The following HTR1F variants were observed in gnomAD, a reference collection of about 807,000 sequenced individuals.
HTR1F encodes 5-hydroxytryptamine receptor 1F.
In HTR1F, 17 loss-of-function variants were observed where a neutral mutation model predicts 24.0. The ratio of observed to expected loss-of-function variants is 0.71; its 90% confidence interval spans 0.48 to 1.06. The LOEUF (loss-of-function observed/expected upper bound fraction) is 1.06, where lower values mean the gene tolerates loss of function less well. Among genes scored for constraint, HTR1F ranks in the 50% least tolerant of loss-of-function variants. The pLI is 0.00. For missense variants in HTR1F, 391 were observed against 427.8 expected (o/e 0.91, Z 0.76); for synonymous variants, 186 against 156.8 (o/e 1.19, Z -1.39).
chr3:87,946,238 C>T (rs551823099), intron 2 of HTR1F, among the ~76,000 whole-genome samples: 10 of 152,226 alleles, frequency 6.6e-5, no homozygotes, highest in African/African-American at 2.2e-4. Context: ...TATGCGACGG[C>T]GGCAAACGGC....
intron 2 of HTR1F, among the ~76,000 whole-genome samples, chr3:87,843,953 G>T (rs1257244070): frequency 6.6e-6 from 1 of 151,296 alleles, no homozygotes; most frequent in Non-Finnish European, 1.5e-5. Context: ...TTGGTTCCAA[G>T]TCTTTGCTAT....
chr3:87,922,809 A>G (rs1027948661), intron 2 of HTR1F, among the ~76,000 whole-genome samples: 3 of 149,838 alleles, frequency 2.0e-5, no homozygotes, highest in Non-Finnish European at 4.4e-5. Context: ...TGGAGTATTT[A>G]TCTGTCCATT....
At chr3:87,933,460 G>T (rs1343529106) in intron 2 of HTR1F, among the ~76,000 whole-genome samples, 1 of 152,192 alleles carries the variant, frequency 6.6e-6, no homozygotes, top group African/African-American at 2.4e-5. Context: ...AAACCCCATT[G>T]TCTAAGCTCA....
At chr3:87,979,148 A>AAGGGAGGGAGG (rs1705487427) in intron 2 of HTR1F, among the ~76,000 whole-genome samples, 1 of 87,084 alleles carries the variant, frequency 1.1e-5, no homozygotes, top group Non-Finnish European at 2.4e-5. Context: ...AGGGAGGGAG[A>AAGGGAGGGAGG]TGGGAAAGAC....
chr3:87,928,425 C>T (rs1638851016), intron 2 of HTR1F, among the ~76,000 whole-genome samples: 1 of 152,096 alleles, frequency 6.6e-6, no homozygotes. Flanking sequence ...TCTAGCATTT[C>T]TAAGTAATAG....
intron 2 of HTR1F, among the ~76,000 whole-genome samples, chr3:87,926,071 T>C (rs1348168844): frequency 6.6e-6 from 1 of 152,222 alleles, no homozygotes; most frequent in Non-Finnish European, 1.5e-5. Context: ...ATTTATTTCA[T>C]ATTTTAAGAC....
intron 2 of HTR1F, among the ~76,000 whole-genome samples, chr3:87,953,504 G>A (rs963665034): frequency 6.7e-6 from 1 of 148,980 alleles, no homozygotes; most frequent in African/African-American, 2.5e-5. Flanking sequence ...TCTAACCCCA[G>A]TTAGAATGGC....
chr3:87,809,410 T>C (rs1264440014), intron 1 of HTR1F, among the ~76,000 whole-genome samples: 1 of 151,862 alleles, frequency 6.6e-6, no homozygotes, highest in African/African-American at 2.4e-5. Flanking sequence ...ATATTTGGAG[T>C]TTTTGTGTTT....
chr3:87,833,685 T>C (rs1332692951), intron 2 of HTR1F, among the ~76,000 whole-genome samples: 1 of 152,074 alleles, frequency 6.6e-6, no homozygotes, highest in Non-Finnish European at 1.5e-5. Context: ...AGGGTTTCAC[T>C]ATATTGCCTA....
At chr3:87,978,981 T>C (rs1463566807) in intron 2 of HTR1F, among the ~76,000 whole-genome samples, 1 of 100,496 alleles carries the variant, frequency 1.0e-5, no homozygotes, top group East Asian at 3.3e-4. Flanking sequence ...TACACCCTAA[T>C]GGGCAATCAG....
chr3:87,964,888 T>C (rs1007044602), intron 2 of HTR1F, among the ~76,000 whole-genome samples: 2 of 152,152 alleles, frequency 1.3e-5, no homozygotes, highest in Non-Finnish European at 2.9e-5. Flanking sequence ...AATTGAATCA[T>C]GAGTGTGGAT....
At chr3:87,829,520 C>T (rs1014058166) in intron 2 of HTR1F, among the ~76,000 whole-genome samples, 3 of 152,182 alleles carry the variant, frequency 2.0e-5, no homozygotes, top group East Asian at 1.9e-4. Context: ...CTAACCTTCA[C>T]GGTCATTCCT....
At chr3:87,985,364 T>A (rs1705641126) in intron 2 of HTR1F, among the ~76,000 whole-genome samples, 1 of 151,630 alleles carries the variant, frequency 6.6e-6, no homozygotes, top group East Asian at 1.9e-4. Context: ...GAAAAAGTAG[T>A]TACTTGATAA....
In HTR1F at chr3:87,817,827, G is replaced by A. The variant is rs533270158; in HGVS notation, c.-159-4181G>A. Reference sequence around the variant, plus strand: ...AGTTTTCATCATTTATTGGTTTGCCGATGCCACCTCAGTACTATTGCTCAT... The same window carrying A: ...AGTTTTCATCATTTATTGGTTTGCCAATGCCACCTCAGTACTATTGCTCAT... On this transcript the variant is annotated intron_variant, in intron 1 of 2. Transcript: ENST00000319595. 6.6e-5 allele frequency among the ~76,000 whole-genome samples: 10 copies of A among 152,236 alleles called. No homozygotes were observed. In the South Asian group the frequency reaches 1.5e-3, roughly 22 times the overall value.
chr3:87,844,895 T>G (rs1004056883), intron 2 of HTR1F, among the ~76,000 whole-genome samples: 1 of 151,774 alleles, frequency 6.6e-6, no homozygotes, highest in African/African-American at 2.4e-5. Context: ...TATATCTCTG[T>G]TTTGGTACCA....
chr3:87,816,491 G>A (rs980028649), intron 1 of HTR1F, among the ~76,000 whole-genome samples: 57 of 152,038 alleles, frequency 3.7e-4, no homozygotes, highest in African/African-American at 1.4e-3. Flanking sequence ...AGCCCCATGT[G>A]CTTTTCCAAC....
chr3:87,915,712 A>G (rs1291144624), intron 2 of HTR1F, among the ~76,000 whole-genome samples: 1 of 152,152 alleles, frequency 6.6e-6, no homozygotes, highest in Non-Finnish European at 1.5e-5. Context: ...GGATTATGTT[A>G]AACAATCAAA....
intron 2 of HTR1F, among the ~76,000 whole-genome samples, chr3:87,944,775 T>C (rs1370984602): frequency 1.3e-5 from 2 of 152,234 alleles, no homozygotes; most frequent in Non-Finnish European, 2.9e-5. Context: ...CTCTACTTTC[T>C]TCTGTTAGCA....
chr3:87,905,575 C>T (rs756430718), intron 2 of HTR1F, among the ~76,000 whole-genome samples: 1 of 152,008 alleles, frequency 6.6e-6, no homozygotes, highest in Non-Finnish European at 1.5e-5. Flanking sequence ...GGGATGCTCC[C>T]TTTGACAATA....
Sources: allele counts gnomAD v4.1 joint callset (sites outside exome capture counted in the v4.1 genomes callset), GRCh38; gene constraint gnomAD v4.1.1; transcripts MANE v1.5; gene names NCBI Gene and HGNC (gene_info 2026-07-23, HGNC 2026-07-21).